Variants in PCDH18 observed in about 807,000 individuals in gnomAD.
The protein encoded by PCDH18 is protocadherin 18.
PCDH18 carries 38 observed loss-of-function variants against 71.5 expected under a neutral mutation model. The observed-to-expected ratio is 0.53, with a 90% CI of 0.41 to 0.70. PCDH18 has a LOEUF of 0.70. Ranked by LOEUF, PCDH18 falls within the 30% of genes least tolerant of loss-of-function variation. The pLI is 0.00. For synonymous variants in PCDH18, 565 were observed against 505.4 expected (o/e 1.12, Z -1.58); for missense variants, 1,334 against 1,384.6 (o/e 0.96, Z 0.58).
rs1368295487 is a variant in PCDH18 at position 137,528,767 on chromosome 4, T to C, written c.2541A>G (p.Pro847=). ...TGGAATATTTGTTTCCTCGAAAACT[T>C]GGTCTTGGCTGATATTGCCCCTGGT... ...MLHQGQYQPR[P]SFRGNKYSRS... Residue 847 remains proline, a synonymous_variant, in exon 2 of 4, where the codon CCA becomes CCG. Transcript: ENST00000344876. 4 of 1,613,744 alleles carry C rather than the reference T, an allele frequency of 2.5e-6. No homozygotes were observed. Among genetic ancestry groups the C allele is most frequent in the Non-Finnish European group, 3.4e-6 (4 of 1,179,834 alleles).
chr4:137,521,828 A>G, intron 3 of PCDH18, 132 bp from the exon 4 acceptor site: 1 of 666,058 alleles, frequency 1.5e-6, no homozygotes, highest in Non-Finnish European at 2.5e-6. Context: ...ACCTATTATT[A>G]TACACAAAAG....
Position 137,523,276 on chromosome 4 carries a change from G to C in PCDH18, c.2741-1580C>G, listed in dbSNP as rs1375462413. 2.6e-5 allele frequency among the ~76,000 whole-genome samples: 4 copies of C among 151,790 alleles called. No individual in the cohort carries two copies. The East Asian group carries it at 7.7e-4, about 29-fold the overall frequency. On this transcript the variant is annotated intron_variant, in intron 3 of 3. Transcript: ENST00000344876. ...ATTTAAATAAGCAAGAATGATTTAA[G>C]AATAAAAGCTTTTTTAGATTTCCTG...
rs192579923 is a variant in PCDH18, at chr4:137,532,300, C to G, written c.-212G>C. ...CCTTCGGCATGGAGTCCAGTCCTTGCGTTTGTTTGGTCGTTCGTCCTCTTT... is the reference window on the plus strand; with the variant it reads ...CCTTCGGCATGGAGTCCAGTCCTTGGGTTTGTTTGGTCGTTCGTCCTCTTT... On this transcript the variant is annotated 5_prime_UTR_variant, in exon 1 of 4. Coordinates refer to ENST00000344876, the MANE Select transcript of PCDH18 (RefSeq NM_019035.5). 2.3e-5 allele frequency: 16 copies of G among 703,098 alleles called. No homozygotes were observed. The highest frequency in any genetic ancestry group is 2.2e-4 in the Admixed American group (11 of 50,022). The allele number at this position is 703,098 out of a possible 1,614,324, so 43.6% of individuals were successfully genotyped here.
chr4:137,525,657 C>A (rs1167996663), intron 3 of PCDH18, among the ~76,000 whole-genome samples: 1 of 152,038 alleles, frequency 6.6e-6, no homozygotes, highest in African/African-American at 2.4e-5. Flanking sequence ...ATATACTTTG[C>A]GGACCATTGG....
intron 3 of PCDH18, 40 bp downstream of exon 3, chr4:137,528,438 T>A (rs2149214665): frequency 6.4e-7 from 1 of 1,574,040 alleles, no homozygotes; most frequent in Non-Finnish European, 8.7e-7. Context: ...GGTGTCACGG[T>A]AGACCTGAAA....
rs771442997 is a variant in PCDH18 at position 137,530,923 on chromosome 4, G to A, written c.1166C>T (p.Ser389Phe). ...VALVRVQDKD[S>F]GLNGEIVCKL... is the part of the protein sequence containing the mutation. Reference sequence around the variant, plus strand: ...ACAAACTATTTCTCCATTCAGCCCAGAATCCTTGTCCTGAACTCTGACCAA... The same window carrying A: ...ACAAACTATTTCTCCATTCAGCCCAAAATCCTTGTCCTGAACTCTGACCAA... The change falls in exon 1 of 4, where the codon TCT becomes TTT. Residue 389 changes from serine to phenylalanine, a missense_variant. By Grantham distance (155) the Ser-to-Phe change is radical (BLOSUM62 -2). Coordinates refer to ENST00000344876, the MANE Select transcript of PCDH18 (RefSeq NM_019035.5). The A allele has an allele frequency of 1.2e-5, 20 of 1,613,124 alleles. No homozygotes were observed. Among genetic ancestry groups the A allele is most frequent in the South Asian group, 4.4e-5 (4 of 91,030 alleles).
chr4:137,524,215 C>T (rs573058897), intron 3 of PCDH18, among the ~76,000 whole-genome samples: 3 of 152,276 alleles, frequency 2.0e-5, no homozygotes, highest in Admixed American at 2.0e-4. Context: ...AGAGTATCTT[C>T]TTCACCACTA....
intron 3 of PCDH18, among the ~76,000 whole-genome samples, chr4:137,527,485 G>A (rs536279328): frequency 6.6e-6 from 1 of 152,086 alleles, no homozygotes; most frequent in South Asian, 2.1e-4. Context: ...CTGCTGATAC[G>A]GAATGTCAGC....
chr4:137,521,537 A>G lies in PCDH18; in HGVS notation c.2900T>C (p.Leu967Pro). ...ATCTGCAGGCTGAGCGTCATCCTCA[A>G]GACTCTGATGTGGATGCTGCTGCTG... is the stretch of plus-strand genomic sequence containing the variant. ...QPQQQHPHQSLEDDAQPADSG... is the reference protein window; with the variant it reads ...QPQQQHPHQSPEDDAQPADSG... The change falls in exon 4 of 4, where the codon CTT becomes CCT. Residue 967 changes from leucine (L) to proline (P), a missense_variant. Coordinates refer to ENST00000344876, the MANE Select transcript of PCDH18 (RefSeq NM_019035.5). The G allele has an allele frequency of 6.2e-7, 1 of 1,614,078 alleles. No individual in the cohort carries two copies. Among genetic ancestry groups the G allele is most frequent in the East Asian group, 2.2e-5 (1 of 44,856 alleles).
Position 137,529,596 on chromosome 4 carries a change from T to C in PCDH18, c.2487+6A>G, listed in dbSNP as rs765839867. On this transcript the variant is annotated splice_donor_region_variant and intron_variant, in intron 1 of 3. Coordinates refer to ENST00000344876, the MANE Select transcript of PCDH18 (RefSeq NM_019035.5). ...TGCAATGAATTGATGCGGTTTATGA[T>C]CTTACCTCAACAGCAGGAGTGGCGT... 17 of 1,576,840 alleles carry C rather than the reference T, an allele frequency of 1.1e-5. No homozygotes were observed. The South Asian group carries it at 2.0e-4, about 18-fold the overall frequency.
At position 137,520,962 on chromosome 4, in the gene PCDH18, T is replaced by C; in HGVS notation, c.*67A>G. 8.6e-7 allele frequency: 1 copy of C among 1,169,132 alleles called. No homozygotes were observed. Among genetic ancestry groups the C allele is most frequent in the South Asian group, 1.5e-5 (1 of 65,174 alleles). 72.4% of individuals were successfully genotyped at this position (1,169,132 alleles called of 1,614,324 possible). A position where few individuals can be genotyped will look rare whatever the true frequency, so the allele number is the denominator to read the frequency against. Reference sequence around the variant, plus strand: ...TTTGGCAATGCCAGTTCTTTCAGGGTTTTTTGTTGTTGTTGTTGTTCCCTA... The same window carrying C: ...TTTGGCAATGCCAGTTCTTTCAGGGCTTTTTGTTGTTGTTGTTGTTCCCTA... On this transcript the variant is annotated 3_prime_UTR_variant, in exon 4 of 4. Coordinates refer to ENST00000344876, the MANE Select transcript of PCDH18 (RefSeq NM_019035.5).
Position 137,532,398 on chromosome 4 carries a change from G to A in PCDH18, c.-310C>T. 2 of 699,828 alleles carry A rather than the reference G, an allele frequency of 2.9e-6. No individual in the cohort carries two copies. The highest frequency in any genetic ancestry group is 2.6e-4 in the Middle Eastern group (1 of 3,782). The allele number at this position is 699,828 out of a possible 1,614,324, so 43.4% of individuals were successfully genotyped here. A position where few individuals can be genotyped will look rare whatever the true frequency, so the allele number is the denominator to read the frequency against. ...AATCCATCTATTGCAGGGTGCCGGT[G>A]GAGTCTGCAGTGTGTCTTTCCTGAG... is the stretch of plus-strand genomic sequence containing the variant. On this transcript the variant is annotated 5_prime_UTR_variant, in exon 1 of 4. Transcript: ENST00000344876.
intron 3 of PCDH18, 48 bp downstream of exon 3, chr4:137,528,428 GGT>G (rs775149896): frequency 6.9e-7 from 1 of 1,455,056 alleles, no homozygotes; most frequent in Admixed American, 1.9e-5. Flanking sequence ...TCATTTTACT[GGT>G]GTCACGGTAG....
rs1409871893 is a variant in PCDH18, at chr4:137,530,140, G to A, written c.1949C>T (p.Thr650Ile). Residue 650 changes from threonine to isoleucine, a missense_variant, in exon 1 of 4, where the codon ACA becomes ATA. Coordinates refer to ENST00000344876, the MANE Select transcript of PCDH18 (RefSeq NM_019035.5). ...AATGATAACTGACAGCTCCCATTCT[G>A]TGTAGGGAACAGAATCCATGCTAAC... ...TNVSMDSVPY[T>I]EWELSVIIQD... 2 of 1,613,038 alleles carry A rather than the reference G, an allele frequency of 1.2e-6. No homozygotes were observed. Among genetic ancestry groups the A allele is most frequent in the East Asian group, 2.2e-5 (1 of 44,834 alleles).
Sources: allele counts gnomAD v4.1 joint callset (sites outside exome capture counted in the v4.1 genomes callset), GRCh38; gene constraint gnomAD v4.1.1; transcripts MANE v1.5; gene names NCBI Gene and HGNC (gene_info 2026-07-23, HGNC 2026-07-21).